The following ARSB variants were observed in gnomAD, a reference collection of about 807,000 sequenced individuals.
The protein encoded by ARSB is N-acetylgalactosamine-4-sulfatase.
A neutral mutation model predicts 50.9 loss-of-function variants in ARSB; 41 were observed. The ratio of observed to expected loss-of-function variants is 0.81; its 90% CI spans 0.63 to 1.04. ARSB has a LOEUF of 1.04. Ranked by LOEUF, ARSB falls within the 50% of genes least tolerant of loss-of-function variation. The pLI is 0.00. For missense variants in ARSB, 672 were observed against 693.3 expected, an observed-to-expected ratio of 0.97 and a Z score of 0.35; for synonymous variants, 269 against 284.8, an observed-to-expected ratio of 0.94 and a Z score of 0.56.
intron 6 of ARSB, among the ~76,000 whole-genome samples, chr5:78,811,358 A>T (rs1022227182): frequency 2.0e-5 from 3 of 152,144 alleles, no homozygotes; most frequent in African/African-American, 7.2e-5. Flanking sequence ...TGCTTCCCTC[A>T]TTCTCTCCCT....
chr5:78,808,747 G>C (rs1743681460), intron 6 of ARSB, among the ~76,000 whole-genome samples: 1 of 152,194 alleles, frequency 6.6e-6, no homozygotes, highest in Non-Finnish European at 1.5e-5. Flanking sequence ...CTTACTCTCA[G>C]CCTTCAAGAC....
chr5:78,966,097 T>C (rs778241255), intron 2 of ARSB, among the ~76,000 whole-genome samples: 1 of 152,232 alleles, frequency 6.6e-6, no homozygotes, highest in African/African-American at 2.4e-5. Context: ...CACTTCAGGT[T>C]CTTTAACTGT....
intron 4 of ARSB, among the ~76,000 whole-genome samples, chr5:78,915,813 G>A (rs1285203357): frequency 6.6e-6 from 1 of 152,060 alleles, no homozygotes; most frequent in Non-Finnish European, 1.5e-5. Flanking sequence ...AAATAATTTT[G>A]TGCATGAAAC....
chr5:78,982,730 G>C (rs773306314), intron 1 of ARSB, among the ~76,000 whole-genome samples: 2 of 152,196 alleles, frequency 1.3e-5, no homozygotes, highest in African/African-American at 4.8e-5. Flanking sequence ...GGAGACTCCT[G>C]AGCCTTCCCT....
At chr5:78,801,879 G>C (rs1743407053) in intron 6 of ARSB, among the ~76,000 whole-genome samples, 1 of 152,046 alleles carries the variant, frequency 6.6e-6, no homozygotes, top group South Asian at 2.1e-4. Flanking sequence ...TAACTGCTCA[G>C]GAATATCTAG....
At chr5:78,781,996 G>T in intron 6 of ARSB, 22 bp from the exon 7 acceptor site, 2 of 1,613,952 alleles carry the variant, frequency 1.2e-6, no homozygotes, top group South Asian at 1.1e-5. Context: ...TAGTTTGAAA[G>T]AATTAGATCA....
chr5:78,879,342 C>T (rs1300285790), intron 5 of ARSB, among the ~76,000 whole-genome samples: 1 of 152,078 alleles, frequency 6.6e-6, no homozygotes. Flanking sequence ...AAGTCATGTC[C>T]CCTAGAAATG....
rs556173896 is a variant in ARSB at position 78,895,038 on chromosome 5, A to T, written c.899-9211T>A. On this transcript the variant is annotated intron_variant, in intron 4 of 7. Transcript: ENST00000264914. ...AGGGCCAGGATAAAAAACCAAACCA[A>T]CCAACCAAACAAACAAACAAACAAA... Among the ~76,000 whole-genome samples, 4 of 152,286 alleles carry T rather than the reference A, an allele frequency of 2.6e-5. 1 individual carries two copies. In the South Asian group the frequency reaches 8.3e-4, roughly 32 times the overall value.
chr5:78,834,845 T>C (rs1307252123), intron 6 of ARSB, among the ~76,000 whole-genome samples: 2 of 151,888 alleles, frequency 1.3e-5, no homozygotes, highest in African/African-American at 2.4e-5. Context: ...TTTTAATATT[T>C]TGAGTAATCA....
In ARSB at chr5:78,892,248, C is replaced by CTTTT. The variant is rs34960858; in HGVS notation, c.899-6425_899-6422dup. On this transcript the variant is annotated intron_variant, in intron 4 of 7. Transcript: ENST00000264914. ...GTCCTCCTAGATTGCATTCTCTATT[C>CTTTT]TTTTTTTTTTTTTTTTTTTTTTTTT... 4.0e-3 allele frequency among the ~76,000 whole-genome samples: 348 copies of CTTTT among 87,236 alleles called. 16 individuals are homozygous for CTTTT. The highest frequency in any genetic ancestry group is 9.8e-3 in the African/African-American group (188 of 19,096). 57.2% of individuals were successfully genotyped at this position (87,236 alleles called of 152,430 possible).
intron 4 of ARSB, among the ~76,000 whole-genome samples, chr5:78,953,218 G>C (rs1215549048): frequency 6.6e-6 from 1 of 152,222 alleles, no homozygotes; most frequent in Admixed American, 6.5e-5. Context: ...GCCCTGCCCA[G>C]GCTCCTCAGT....
At chr5:78,893,396 T>C (rs546266675) in intron 4 of ARSB, among the ~76,000 whole-genome samples, 1 of 152,306 alleles carries the variant, frequency 6.6e-6, no homozygotes, top group East Asian at 1.9e-4. Flanking sequence ...AAATCAGGGA[T>C]GAATGAGGAT....
Position 78,780,349 on chromosome 5 carries a change from C to G in ARSB, c.*48G>C. On this transcript the variant is annotated 3_prime_UTR_variant, in exon 8 of 8. Coordinates refer to ENST00000264914, the MANE Select transcript of ARSB (RefSeq NM_000046.5). ...ATGAGACAAGAGTCGTGAGAAAAGG[C>G]CTGAGGTCCAACTTCCAATTGAAAG... The G allele has an allele frequency of 6.2e-7, 1 of 1,611,744 alleles. No individual in the cohort carries two copies. Among genetic ancestry groups the G allele is most frequent in the Non-Finnish European group, 8.5e-7 (1 of 1,179,772 alleles).
At chr5:78,921,540 C>T (rs1386306107) in intron 4 of ARSB, among the ~76,000 whole-genome samples, 9 of 152,044 alleles carry the variant, frequency 5.9e-5, no homozygotes, top group African/African-American at 7.2e-5. Flanking sequence ...ATTAATTTCA[C>T]GTGTTTCTTT....
chr5:78,835,357 C>T (rs542045136), intron 6 of ARSB, among the ~76,000 whole-genome samples: 1 of 152,010 alleles, frequency 6.6e-6, no homozygotes, highest in African/African-American at 2.4e-5. Context: ...ATCCAAGAGG[C>T]CAGCTTCTGG....
At chr5:78,808,879 C>T (rs915797887) in intron 6 of ARSB, among the ~76,000 whole-genome samples, 5 of 152,122 alleles carry the variant, frequency 3.3e-5, no homozygotes, top group Admixed American at 6.6e-5. Context: ...TTGCTGGACA[C>T]GGGGTGTCTA....
chr5:78,892,248 C>CT (rs34960858), intron 4 of ARSB, among the ~76,000 whole-genome samples: 2,528 of 87,252 alleles, frequency 0.029, 93 homozygotes, highest in Non-Finnish European at 0.037. Context: ...ATTCTCTATT[C>CT]TTTTTTTTTT....
In ARSB at chr5:78,826,196, A is replaced by G. The variant is rs1274367263; in HGVS notation, c.1213+13160T>C. On this transcript the variant is annotated intron_variant, in intron 6 of 7. Coordinates refer to ENST00000264914, the MANE Select transcript of ARSB (RefSeq NM_000046.5). ...CAAGCAGCTGGGACTACAGGCGTGC[A>G]CCACCATGCCTGACTACTTTTTGTA... Among the ~76,000 whole-genome samples, 3 of 152,066 alleles carry G rather than the reference A, an allele frequency of 2.0e-5. No homozygotes were observed. In the East Asian group the frequency reaches 5.8e-4, roughly 29 times the overall value.
chr5:78,870,015 A>G (rs1747043208), intron 5 of ARSB, among the ~76,000 whole-genome samples: 1 of 139,452 alleles, frequency 7.2e-6, no homozygotes, highest in Non-Finnish European at 1.6e-5. Flanking sequence ...ACAAACTACC[A>G]TCAGAGAATA....
Sources: gnomAD v4.1 joint callset for allele counts (sites outside exome capture counted in the v4.1 genomes callset) on GRCh38, gnomAD v4.1.1 for gene constraint, MANE v1.5 for transcripts, NCBI Gene and HGNC (gene_info 2026-07-23, HGNC 2026-07-21) for gene names.